The following CDKAL1 variants were observed in gnomAD, a reference collection of about 807,000 sequenced individuals.
The protein encoded by CDKAL1 is CDKAL1 threonylcarbamoyladenosine tRNA methylthiotransferase.
Under a neutral mutation model 68.2 loss-of-function variants are expected in CDKAL1, and 32 were observed. That is an observed-to-expected ratio of 0.47 (90% CI 0.35 to 0.63). The LOEUF (loss-of-function observed/expected upper bound fraction) is 0.63. CDKAL1 is among the 30% of genes least tolerant of loss of function. The pLI, the probability that CDKAL1 is intolerant of heterozygous loss-of-function variation, is 0.00. For synonymous variants in CDKAL1, 234 were observed against 244.3 expected, an observed-to-expected ratio of 0.96 and a Z score of 0.39; for missense variants, 606 against 696.7, an observed-to-expected ratio of 0.87 and a Z score of 1.47.
At chr6:20,848,287 T>TTTTTTTTTTTTTTTTG (rs372563354) in intron 9 of CDKAL1, among the ~76,000 whole-genome samples, 1 of 59,288 alleles carries the variant, frequency 1.7e-5, no homozygotes, top group Non-Finnish European at 4.0e-5. Context: ...TTGTTTTTTT[T>TTTTTTTTTTTTTTTTG]TTTTTTCCAA....
At chr6:20,874,668 A>T (rs577365353) in intron 9 of CDKAL1, among the ~76,000 whole-genome samples, 1 of 151,838 alleles carries the variant, frequency 6.6e-6, no homozygotes, top group East Asian at 2.0e-4. Flanking sequence ...CACCCAGCTG[A>T]TTTTCTGTAT....
At chr6:20,675,042 T>C (rs1200245007) in intron 5 of CDKAL1, among the ~76,000 whole-genome samples, 1 of 152,166 alleles carries the variant, frequency 6.6e-6, no homozygotes, top group Non-Finnish European at 1.5e-5. Flanking sequence ...TGAATTTACC[T>C]CGTGTTTCTG....
chr6:20,935,369 C>G (rs986855240), intron 9 of CDKAL1, among the ~76,000 whole-genome samples: 1 of 151,878 alleles, frequency 6.6e-6, no homozygotes, highest in Non-Finnish European at 1.5e-5. Context: ...GATCCTTACT[C>G]CCTCATTCTT....
intron 13 of CDKAL1, among the ~76,000 whole-genome samples, chr6:21,138,251 G>GTA (rs1387073441): frequency 2.0e-5 from 3 of 151,882 alleles, no homozygotes; most frequent in Non-Finnish European, 4.4e-5. Context: ...GTGTGTGTGT[G>GTA]TGTGTATGCT....
intron 8 of CDKAL1, among the ~76,000 whole-genome samples, chr6:20,841,115 G>A (rs1172597162): frequency 1.2e-4 from 19 of 152,142 alleles, no homozygotes; most frequent in Admixed American, 7.2e-4. Flanking sequence ...GATCACAGGC[G>A]TGAGCCACCA....
chr6:20,886,550 T>C (rs1292839920), intron 9 of CDKAL1, among the ~76,000 whole-genome samples: 1 of 152,210 alleles, frequency 6.6e-6, no homozygotes, highest in Non-Finnish European at 1.5e-5. Flanking sequence ...TTTAATATTA[T>C]TCAATCATAA....
intron 6 of CDKAL1, among the ~76,000 whole-genome samples, chr6:20,755,045 G>A (rs1774108612): frequency 6.6e-6 from 1 of 152,058 alleles, no homozygotes. Context: ...GTGCTTTTGA[G>A]CTTTTATATT....
chr6:20,991,901 C>A, intron 10 of CDKAL1, among the ~76,000 whole-genome samples: 1 of 149,488 alleles, frequency 6.7e-6, no homozygotes. Flanking sequence ...TGTTTTACCA[C>A]AATAAAACAA....
chr6:21,157,732 C>G (rs143114488), intron 13 of CDKAL1, among the ~76,000 whole-genome samples: 1 of 152,300 alleles, frequency 6.6e-6, no homozygotes, highest in African/African-American at 2.4e-5. Flanking sequence ...ACAAAACAGT[C>G]TTTGAGAAAT....
intron 4 of CDKAL1, among the ~76,000 whole-genome samples, chr6:20,633,748 G>A (rs1031523273): frequency 1.3e-5 from 2 of 152,150 alleles, no homozygotes; most frequent in Admixed American, 1.3e-4. Flanking sequence ...TCTCATTGTG[G>A]TTTTAATTTG....
intron 8 of CDKAL1, among the ~76,000 whole-genome samples, chr6:20,805,830 G>A (rs1776548990): frequency 6.6e-6 from 1 of 152,182 alleles, no homozygotes; most frequent in Admixed American, 6.6e-5. Flanking sequence ...ATTAAATCAT[G>A]TTTGATTGCA....
chr6:20,607,893 C>T (rs1329211413), intron 4 of CDKAL1, among the ~76,000 whole-genome samples: 1 of 152,052 alleles, frequency 6.6e-6, no homozygotes, highest in Non-Finnish European at 1.5e-5. Context: ...TGGGGTTTCA[C>T]CATGTTGGCC....
chr6:21,188,745 G>A (rs188924625), intron 13 of CDKAL1, among the ~76,000 whole-genome samples: 1 of 152,268 alleles, frequency 6.6e-6, no homozygotes, highest in African/African-American at 2.4e-5. Context: ...TGCCGGCTCT[G>A]TGATAGGAGG....
At chr6:20,787,842 T>C (rs1376141846) in intron 8 of CDKAL1, among the ~76,000 whole-genome samples, 2 of 152,228 alleles carry the variant, frequency 1.3e-5, no homozygotes, top group African/African-American at 4.8e-5. Context: ...CAGTGAGTTA[T>C]AATTCATTTT....
chr6:20,768,219 C>T (rs932514311), intron 7 of CDKAL1, among the ~76,000 whole-genome samples: 11 of 152,132 alleles, frequency 7.2e-5, no homozygotes, highest in Non-Finnish European at 2.9e-5. Context: ...CTTGTTTGTA[C>T]TACTAACAAT....
chr6:20,641,162 A>T (rs1768155917), intron 4 of CDKAL1, among the ~76,000 whole-genome samples: 1 of 152,198 alleles, frequency 6.6e-6, no homozygotes, highest in South Asian at 2.1e-4. Flanking sequence ...AATGTATATC[A>T]GGTCACTGTT....
chr6:20,720,778 C>T (rs1485179243), intron 5 of CDKAL1, among the ~76,000 whole-genome samples: 4 of 152,188 alleles, frequency 2.6e-5, no homozygotes, highest in Admixed American at 1.3e-4. Context: ...AGATTTCAGG[C>T]GTGAGCCCTC....
At chr6:21,072,363 AG>A (rs1335337602) in intron 12 of CDKAL1, among the ~76,000 whole-genome samples, 1 of 152,156 alleles carries the variant, frequency 6.6e-6, no homozygotes, top group East Asian at 1.9e-4. Flanking sequence ...ATGTTTAAAT[AG>A]TACAGATTGT....
At chr6:21,184,455 C>G (rs1391220506) in intron 13 of CDKAL1, among the ~76,000 whole-genome samples, 1 of 151,906 alleles carries the variant, frequency 6.6e-6, no homozygotes, top group East Asian at 1.9e-4. Context: ...TCGGCCTGCC[C>G]AAAGTGCTGG....
Sources: gnomAD v4.1 joint callset for allele counts (sites outside exome capture counted in the v4.1 genomes callset) on GRCh38, gnomAD v4.1.1 for gene constraint, MANE v1.5 for transcripts, NCBI Gene and HGNC (gene_info 2026-07-23, HGNC 2026-07-21) for gene names.